Variants in RIOK1 observed in about 807,000 individuals in gnomAD.
The protein encoded by RIOK1 is serine/threonine-protein kinase RIO1.
RIOK1 carries 66 observed loss-of-function variants against 73.5 expected under a neutral mutation model. That is an observed-to-expected ratio of 0.90 (90% confidence interval 0.74 to 1.10). The LOEUF (loss-of-function observed/expected upper bound fraction) is 1.10, where lower values mean the gene tolerates loss of function less well. Among genes scored for constraint, RIOK1 ranks in the 50% least tolerant of loss-of-function variants. The pLI, the probability that RIOK1 is intolerant of heterozygous loss-of-function variation, is 0.00. For missense variants in RIOK1, 658 were observed against 699.8 expected (o/e 0.94, Z 0.67); for synonymous variants, 224 against 226.8 (o/e 0.99, Z 0.11).
At chr6:7,398,554 GA>G in intron 4 of RIOK1, 143 bp from the exon 5 acceptor site, 1 of 632,690 alleles carries the variant, frequency 1.6e-6, no homozygotes, top group Non-Finnish European at 2.8e-6. Flanking sequence ...ACTGAGTAAT[GA>G]AAAATCTACA....
chr6:7,413,829 A>G (rs1761940453), intron 15 of RIOK1, among the ~76,000 whole-genome samples: 1 of 152,202 alleles, frequency 6.6e-6, no homozygotes, highest in Admixed American at 6.5e-5. Flanking sequence ...TTTCCCTCCC[A>G]ATTGGATTAG....
intron 14 of RIOK1, chr6:7,411,709 G>T: frequency 2.5e-6 from 1 of 396,368 alleles, no homozygotes. Flanking sequence ...AGAAGTCTAG[G>T]CTATTAATGG....
At chr6:7,415,237 A>G (rs1761970089) in intron 16 of RIOK1, among the ~76,000 whole-genome samples, 1 of 152,098 alleles carries the variant, frequency 6.6e-6, no homozygotes, top group South Asian at 2.1e-4. Flanking sequence ...TCTGGGCAAT[A>G]GAGTGATACC....
rs150425917 is a variant in RIOK1, at chr6:7,396,892, GGTGTGTGTGT to G, written c.437+139_437+148del. The G allele has an allele frequency of 1.9e-5, 8 of 416,560 alleles. No individual in the cohort carries two copies. The East Asian group carries it at 1.9e-4, about 10-fold the overall frequency. 25.8% of individuals were successfully genotyped at this position (416,560 alleles called of 1,614,324 possible). ...GTATACTTAAACCAATCATTATTTTGGTGTGTGTGTGTGTGTGTGTGTGTGTGTTTTCCTT... is the reference window on the plus strand; with the variant it reads ...GTATACTTAAACCAATCATTATTTTGGTGTGTGTGTGTGTGTGTTTTCCTT... On this transcript the variant is annotated intron_variant, in intron 4 of 16. Coordinates refer to ENST00000379834, the MANE Select transcript of RIOK1 (RefSeq NM_031480.3).
chr6:7,390,057 G>T lies in RIOK1; in HGVS notation c.55G>T (p.Ala19Ser). The T allele has an allele frequency of 6.4e-7, 1 of 1,560,154 alleles. No homozygotes were observed. The change falls in exon 1 of 17, where the codon GCG becomes TCG. Residue 19 changes from alanine (A) to serine (S), a missense_variant. Physicochemically the swap from Ala to Ser is moderately conservative, Grantham distance 99 (BLOSUM62 1). Transcript: ENST00000379834. ...GGTGGTCCCCGGGCAATTCGACGAC[G>T]CGGACTCCTCTGACAGGTAGGCGGC... ...SRVVPGQFDDADSSDSENRDL... is the reference protein window; with the variant it reads ...SRVVPGQFDDSDSSDSENRDL...
At chr6:7,401,948 C>T (rs1367142343) in intron 6 of RIOK1, among the ~76,000 whole-genome samples, 1 of 152,014 alleles carries the variant, frequency 6.6e-6, no homozygotes, top group Non-Finnish European at 1.5e-5. Flanking sequence ...CAAAGTGCTG[C>T]TATTACAGGC....
chr6:7,411,955 A>G (rs1461080141), intron 14 of RIOK1, among the ~76,000 whole-genome samples: 1 of 152,254 alleles, frequency 6.6e-6, no homozygotes, highest in African/African-American at 2.4e-5. Flanking sequence ...TAATACAAGT[A>G]TACTAAAGAA....
At chr6:7,405,842 AC>A (rs1561878977) in intron 12 of RIOK1, among the ~76,000 whole-genome samples, 1 of 106,488 alleles carries the variant, frequency 9.4e-6, no homozygotes. Flanking sequence ...CAAGCTTTTT[AC>A]TTCAATTATC....
rs1412280057 is a variant in RIOK1, at chr6:7,411,423, A to T, written c.1361A>T (p.Asp454Val). 30 of 1,614,054 alleles carry T rather than the reference A, an allele frequency of 1.9e-5. No individual in the cohort carries two copies. The highest frequency in any genetic ancestry group is 2.2e-5 in the Non-Finnish European group (26 of 1,179,892). ...ATAATTATGAAATTGAAGGAAGAGG[A>T]CATGGCCATGAATGCCCAACAAGAT... is the stretch of plus-strand genomic sequence containing the variant. ...MDIIMKLKEE[D>V]MAMNAQQDNI... The change falls in exon 14 of 17, where the codon GAC (aspartate) becomes GTC (valine). Residue 454 changes from aspartate to valine, a missense_variant. Physicochemically the swap from Asp to Val is radical, Grantham distance 152. Transcript: ENST00000379834.
intron 1 of RIOK1, among the ~76,000 whole-genome samples, chr6:7,392,672 G>A (rs1001166370): frequency 6.6e-6 from 1 of 151,978 alleles, no homozygotes; most frequent in Non-Finnish European, 1.5e-5. Context: ...GGTGTGAACC[G>A]CTGCACCAGC....
chr6:7,404,582 T>C (rs1407883453), intron 10 of RIOK1, 27 bp downstream of exon 10: 1 of 1,604,876 alleles, frequency 6.2e-7, no homozygotes. Context: ...TCTTAAGAAC[T>C]GCCTGTCAGT....
In RIOK1 at chr6:7,417,336, A is replaced by C. The variant is rs753021776; in HGVS notation, c.1602A>C (p.Arg534Ser). The part of the protein sequence containing the change: ...TTDPDIDKKE[R>S]KKMVKEAQRE... ...TTTTTGTTTGTTTTTTACAGGAAAGAAAAAAGATGGTCAAGGAAGCCCAGA... is the reference window on the plus strand; with the variant it reads ...TTTTTGTTTGTTTTTTACAGGAAAGCAAAAAGATGGTCAAGGAAGCCCAGA... Residue 534 changes from arginine (R) to serine (S), a missense_variant, in exon 17 of 17, where the codon AGA (arginine) becomes AGC (serine). Physicochemically the swap from Arg to Ser is moderately radical, Grantham distance 110. Coordinates refer to ENST00000379834, the MANE Select transcript of RIOK1 (RefSeq NM_031480.3). 1.6e-4 allele frequency: 238 copies of C among 1,530,322 alleles called. No homozygotes were observed. The highest frequency in any genetic ancestry group is 2.0e-4 in the Non-Finnish European group (224 of 1,139,446). The allele number at this position is 1,530,322 out of a possible 1,614,324, so 94.8% of individuals were successfully genotyped here. A position where few individuals can be genotyped will look rare whatever the true frequency, so the allele number is the denominator to read the frequency against.
At chr6:7,398,764 CTCT>C (rs1761541846) in intron 5 of RIOK1, 24 bp downstream of exon 5, 1 of 1,583,612 alleles carries the variant, frequency 6.3e-7, no homozygotes, top group Non-Finnish European at 8.6e-7. Context: ...GTGTTGCAAA[CTCT>C]TCTTTTTAAT....
rs763843491 is a variant in RIOK1 at position 7,396,744 on chromosome 6, G to A, written c.409G>A (p.Glu137Lys). 1.3e-5 allele frequency: 21 copies of A among 1,598,982 alleles called. No individual in the cohort carries two copies. Among genetic ancestry groups the A allele is most frequent in the East Asian group, 2.2e-5 (1 of 44,648 alleles). ...TGATTCCGTCATAAATAAAGTCACC[G>A]AAAAGTCTAGACAAAAGGAAGCAGA... ...VTDSVINKVTEKSRQKEADMY... is the reference protein window; with the variant it reads ...VTDSVINKVTKKSRQKEADMY... Residue 137 changes from glutamate (E) to lysine (K), a missense_variant, in exon 4 of 17, where the codon GAA becomes AAA. Transcript: ENST00000379834.
chr6:7,417,047 C>G (rs1762022591), intron 16 of RIOK1, among the ~76,000 whole-genome samples: 1 of 151,756 alleles, frequency 6.6e-6, no homozygotes, highest in Non-Finnish European at 1.5e-5. Flanking sequence ...AGGTCGAGAC[C>G]AGCCTGTGCA....
Position 7,402,947 on chromosome 6 carries a change from ATCAGCCC to A in RIOK1, c.767+52_767+58del, listed in dbSNP as rs970586155. Reference sequence around the variant, plus strand: ...TCTGTCCTATGCCCTGTACATGAACATCAGCCCTTCCTCCCAGCAGATCCCAGTGTGG... The same window carrying A: ...TCTGTCCTATGCCCTGTACATGAACATTCCTCCCAGCAGATCCCAGTGTGG... On this transcript the variant is annotated intron_variant, in intron 8 of 16. Transcript: ENST00000379834. The A allele has an allele frequency of 6.6e-6, 10 of 1,522,740 alleles. No individual in the cohort carries two copies. The African/African-American group carries it at 1.4e-4, about 21-fold the overall frequency. The allele number at this position is 1,522,740 out of a possible 1,614,324, so 94.3% of individuals were successfully genotyped here. A position where few individuals can be genotyped will look rare whatever the true frequency, so the allele number is the denominator to read the frequency against.
At chr6:7,407,719 C>T (rs1761782989) in intron 12 of RIOK1, among the ~76,000 whole-genome samples, 1 of 151,984 alleles carries the variant, frequency 6.6e-6, no homozygotes, top group African/African-American at 2.4e-5. Context: ...GTCTTAGACT[C>T]CTGGGCTTAA....
chr6:7,396,648 G>A, intron 3 of RIOK1, 55 bp from the exon 4 acceptor site: 1 of 1,061,552 alleles, frequency 9.4e-7, no homozygotes, highest in Non-Finnish European at 1.4e-6. Flanking sequence ...CAGCAACTCT[G>A]TTAATGTCTT....
chr6:7,395,343 A>G (rs181023969), intron 3 of RIOK1, among the ~76,000 whole-genome samples, 200 bp downstream of exon 3: 28 of 152,166 alleles, frequency 1.8e-4, no homozygotes, highest in Admixed American at 9.2e-4. Flanking sequence ...GTGAAACCCT[A>G]TCTCTACTAA....
Sources: gnomAD v4.1 joint callset for allele counts (sites outside exome capture counted in the v4.1 genomes callset) on GRCh38, gnomAD v4.1.1 for gene constraint, MANE v1.5 for transcripts, NCBI Gene and HGNC (gene_info 2026-07-23, HGNC 2026-07-21) for gene names.